Variants in DPYSL3 observed in about 807,000 individuals in gnomAD.
DPYSL3 encodes the protein dihydropyrimidinase-related protein 3.
Under a neutral mutation model 66.1 loss-of-function variants are expected in DPYSL3, and 16 were observed. That is an observed-to-expected ratio of 0.24 (90% CI 0.16 to 0.37). DPYSL3 has a LOEUF of 0.37. Ranked by LOEUF, DPYSL3 falls within the 10% of genes least tolerant of loss-of-function variation. The probability of loss-of-function intolerance (pLI) is 1.00; values close to 1 mark genes in which losing one functional copy is unlikely to be tolerated. For missense variants in DPYSL3, 738 were observed against 916.2 expected, an observed-to-expected ratio of 0.81 and a Z score of 2.51; for synonymous variants, 338 against 345.1, an observed-to-expected ratio of 0.98 and a Z score of 0.23.
chr5:147,395,656 G>C lies in DPYSL3; in HGVS notation c.1869C>G (p.Thr623=). Residue 623 remains threonine, a synonymous_variant, in exon 13 of 14, where the codon ACC becomes ACG. Transcript: ENST00000343218. ...YDGPVFDLTT[T]PKGGTPAGSA... ...AGCCTGCGGGGGTGCCACCTTTGGG[G>C]GTGGTGGTCAGGTCAAACACAGGCC... The C allele has an allele frequency of 6.2e-7, 1 of 1,614,116 alleles. No individual in the cohort carries two copies. The highest frequency in any genetic ancestry group is 8.5e-7 in the Non-Finnish European group (1 of 1,180,042).
At chr5:147,466,278 T>C (rs543544907) in intron 1 of DPYSL3, among the ~76,000 whole-genome samples, 1 of 152,326 alleles carries the variant, frequency 6.6e-6, no homozygotes, top group African/African-American at 2.4e-5. Flanking sequence ...ATTTCTGGCA[T>C]CAGAAATTTA....
intron 11 of DPYSL3, among the ~76,000 whole-genome samples, chr5:147,398,557 C>T (rs1384140571): frequency 6.6e-6 from 1 of 152,144 alleles, no homozygotes; most frequent in Non-Finnish European, 1.5e-5. Flanking sequence ...CAGTGTCGAG[C>T]CCGTTTCTGT....
intron 1 of DPYSL3, among the ~76,000 whole-genome samples, chr5:147,461,448 C>G (rs932998785): frequency 3.2e-4 from 49 of 152,156 alleles, no homozygotes; most frequent in African/African-American, 1.1e-3. Flanking sequence ...TTTGGGACCC[C>G]TCTCTCTGCA....
intron 1 of DPYSL3, among the ~76,000 whole-genome samples, chr5:147,445,232 C>A (rs1294942177): frequency 6.6e-6 from 1 of 152,186 alleles, no homozygotes; most frequent in East Asian, 1.9e-4. Flanking sequence ...GGAGGCCAGA[C>A]AAGAAAGAAG....
At chr5:147,408,697 T>C in intron 7 of DPYSL3, 31 bp downstream of exon 7, 5 of 1,609,856 alleles carry the variant, frequency 3.1e-6, no homozygotes, top group Non-Finnish European at 4.3e-6. Flanking sequence ...ATTCATGCGT[T>C]GTGTGTGCAC....
At chr5:147,442,933 G>A (rs1752561372) in intron 1 of DPYSL3, among the ~76,000 whole-genome samples, 1 of 151,746 alleles carries the variant, frequency 6.6e-6, no homozygotes, top group South Asian at 2.1e-4. Flanking sequence ...TGTCCTTATT[G>A]TTTGTGATTT....
intron 1 of DPYSL3, among the ~76,000 whole-genome samples, chr5:147,475,525 G>T (rs1753144097): frequency 6.6e-6 from 1 of 152,056 alleles, no homozygotes; most frequent in African/African-American, 2.4e-5. Flanking sequence ...CTTCATCACA[G>T]CAAAAGATTT....
At chr5:147,457,518 A>T (rs78925900) in intron 1 of DPYSL3, among the ~76,000 whole-genome samples, 5,436 of 152,290 alleles carry the variant, frequency 0.036, 338 homozygotes, top group African/African-American at 0.12. Flanking sequence ...CAGTATCTAT[A>T]TTTGCTTCTC....
Position 147,487,039 on chromosome 5 carries a change from G to A in DPYSL3, c.381+22439C>T, listed in dbSNP as rs549088799. On this transcript the variant is annotated intron_variant, in intron 1 of 13. Coordinates refer to ENST00000343218, the MANE Select transcript of DPYSL3 (RefSeq NM_001197294.2). ...ATGCCACATGCTATTAACTCCGAGA[G>A]GCCTTCTTTTCCACCACTACCTCTC... 4.4e-4 allele frequency among the ~76,000 whole-genome samples: 67 copies of A among 152,206 alleles called. No individual in the cohort carries two copies. The South Asian group carries it at 6.7e-3, about 15-fold the overall frequency.
intron 1 of DPYSL3, among the ~76,000 whole-genome samples, chr5:147,461,980 T>C (rs1468057956): frequency 6.6e-6 from 1 of 152,110 alleles, no homozygotes; most frequent in Non-Finnish European, 1.5e-5. Flanking sequence ...ATTTGTTTTA[T>C]CCTAAGGGAA....
chr5:147,482,494 C>T (rs1753265442), intron 1 of DPYSL3, among the ~76,000 whole-genome samples: 1 of 152,006 alleles, frequency 6.6e-6, no homozygotes, highest in Non-Finnish European at 1.5e-5. Flanking sequence ...GAGCTCAGTG[C>T]CAATATTTCT....
In DPYSL3 at chr5:147,480,696, T is replaced by C. The variant is rs550366138; in HGVS notation, c.381+28782A>G. Among the ~76,000 whole-genome samples the C allele has an allele frequency of 5.9e-3, 784 of 133,542 alleles. 6 individuals are homozygous for C. Among genetic ancestry groups the C allele is most frequent in the South Asian group, 0.026 (106 of 4,006 alleles). 87.6% of individuals were successfully genotyped at this position (133,542 alleles called of 152,430 possible). ...AATTTCTTAGTGCACACATCATGAA[T>C]ATATATATATTATTATTATTATTAT... On this transcript the variant is annotated intron_variant, in intron 1 of 13. Transcript: ENST00000343218.
At chr5:147,490,959 C>T (rs1158367555) in intron 1 of DPYSL3, among the ~76,000 whole-genome samples, 1 of 152,192 alleles carries the variant, frequency 6.6e-6, no homozygotes, top group Non-Finnish European at 1.5e-5. Flanking sequence ...GAAAAATTCC[C>T]TCCTGCTTCT....
intron 1 of DPYSL3, among the ~76,000 whole-genome samples, chr5:147,447,770 G>A (rs925073297): frequency 2.6e-5 from 4 of 152,108 alleles, no homozygotes; most frequent in Admixed American, 2.0e-4. Context: ...CTCAGGAGGC[G>A]GAGGTTGCCG....
rs1477980475 is a variant in DPYSL3 at position 147,505,084 on chromosome 5, G to T, written c.381+4394C>A. On this transcript the variant is annotated intron_variant, in intron 1 of 13. Coordinates refer to ENST00000343218, the MANE Select transcript of DPYSL3 (RefSeq NM_001197294.2). ...AAAGTTGTGTAAGCCAACCATAGAG[G>T]ATTTTAGTAACATGAATGCCGAGGA... 2.0e-5 allele frequency among the ~76,000 whole-genome samples: 3 copies of T among 152,112 alleles called. No homozygotes were observed. In the East Asian group the frequency reaches 5.8e-4, roughly 29 times the overall value.
intron 1 of DPYSL3, among the ~76,000 whole-genome samples, chr5:147,486,027 G>A (rs1031381836): frequency 6.6e-6 from 1 of 152,098 alleles, no homozygotes; most frequent in Non-Finnish European, 1.5e-5. Flanking sequence ...CCATAAAAAG[G>A]AAAGAAGTAC....
intron 1 of DPYSL3, among the ~76,000 whole-genome samples, chr5:147,494,149 A>G (rs1019215550): frequency 1.3e-5 from 2 of 152,176 alleles, no homozygotes; most frequent in African/African-American, 4.8e-5. Flanking sequence ...AGAAATTACA[A>G]AAAAATCAAC....
rs1042982532 is a variant in DPYSL3 at position 147,395,892 on chromosome 5, G to A, written c.1804-171C>T. 3.9e-5 allele frequency among the ~76,000 whole-genome samples: 6 copies of A among 152,146 alleles called. 1 individual carries two copies. Among genetic ancestry groups the A allele is most frequent in the Admixed American group, 6.5e-5 (1 of 15,280 alleles). On this transcript the variant is annotated intron_variant, in intron 12 of 13. Coordinates refer to ENST00000343218, the MANE Select transcript of DPYSL3 (RefSeq NM_001197294.2). ...GTATAAAATAAATAAAGGAGGATGTGATGATAGAGTGACAATGGATGTGGT... is the reference window on the plus strand; with the variant it reads ...GTATAAAATAAATAAAGGAGGATGTAATGATAGAGTGACAATGGATGTGGT...
intron 1 of DPYSL3, among the ~76,000 whole-genome samples, chr5:147,488,311 T>C (rs556910047): frequency 6.6e-6 from 1 of 152,304 alleles, no homozygotes; most frequent in South Asian, 2.1e-4. Flanking sequence ...GACAGCGTGT[T>C]GACAGCATGC....
Sources: allele counts gnomAD v4.1 joint callset (sites outside exome capture counted in the v4.1 genomes callset), GRCh38; gene constraint gnomAD v4.1.1; transcripts MANE v1.5; gene names NCBI Gene and HGNC (gene_info 2026-07-23, HGNC 2026-07-21).